The following TMEM91 variants were observed in gnomAD, a reference collection of about 807,000 sequenced individuals.
The protein encoded by TMEM91 is transmembrane protein 91.
A neutral mutation model predicts 13.3 loss-of-function variants in TMEM91; 6 were observed. That is an observed-to-expected ratio of 0.45 (90% CI 0.25 to 0.89). The LOEUF (loss-of-function observed/expected upper bound fraction) is 0.89, where lower values mean the gene tolerates loss of function less well. Ranked by LOEUF, TMEM91 falls within the 40% of genes least tolerant of loss-of-function variation. TMEM91 has a pLI of 0.19. For synonymous variants in TMEM91, 87 were observed against 101.7 expected (o/e 0.86, Z 0.87); for missense variants, 193 against 228.7 (o/e 0.84, Z 1.01).
intron 1 of TMEM91, among the ~76,000 whole-genome samples, chr19:41,371,356 T>TCCTC (rs1303334790): frequency 2.0e-5 from 3 of 147,922 alleles, no homozygotes; most frequent in Non-Finnish European, 4.5e-5. Context: ...CTTCCTTCCT[T>TCCTC]CCTTCCTTCC....
At chr19:41,374,456 T>C (rs2038673379), upstream of TMEM91, 1 of 152,210 alleles carries the variant, frequency 6.6e-6, no homozygotes, top group Non-Finnish European at 1.5e-5. Context: ...TGGATAAATG[T>C]TGGATATCTG....
intron 2 of TMEM91, among the ~76,000 whole-genome samples, chr19:41,380,346 C>T (rs1433563678): frequency 2.0e-5 from 3 of 152,156 alleles, no homozygotes; most frequent in Non-Finnish European, 4.4e-5. Flanking sequence ...TTTCTGATTT[C>T]GCTTTGGAAG....
intron 1 of TMEM91, among the ~76,000 whole-genome samples, chr19:41,367,424 G>C (rs1275414931): frequency 6.6e-6 from 1 of 151,642 alleles, no homozygotes; most frequent in Admixed American, 6.6e-5. Flanking sequence ...CGAGGTCAGG[G>C]GTTCAAGACC....
At position 41,383,843 on chromosome 19, in the gene TMEM91, T is replaced by C. The variant is rs12602; in HGVS notation, c.489T>C (p.Ala163=). The change falls in exon 4 of 4, where the codon GCT becomes GCC. Residue 163 remains alanine, a synonymous_variant. Transcript: ENST00000392002. The part of the protein sequence containing the change: ...CTYAAALVTL[A]AYLASRDPP Reference sequence around the variant, plus strand: ...ATGCGGCTGCCCTGGTGACCCTGGCTGCCTACCTTGCCTCCCGAGACCCGC... The same window carrying C: ...ATGCGGCTGCCCTGGTGACCCTGGCCGCCTACCTTGCCTCCCGAGACCCGC... 990,611 of 1,606,854 alleles carry C rather than the reference T, an allele frequency of 0.62. 309,185 individuals are homozygous for C. The highest frequency in any genetic ancestry group is 0.84 in the African/African-American group (62,128 of 74,398).
At chr19:41,383,102 G>A in intron 3 of TMEM91, 181 bp downstream of exon 3, 1 of 791,506 alleles carries the variant, frequency 1.3e-6, no homozygotes. Context: ...CGCCCAGGCT[G>A]GAGTGCAGTG....
upstream of TMEM91, among the ~76,000 whole-genome samples, chr19:41,375,946 A>G (rs1019206292): frequency 3.9e-5 from 6 of 151,956 alleles, no homozygotes; most frequent in African/African-American, 1.5e-4. Context: ...ACACAGCGAA[A>G]TCTCATCTAC....
At chr19:41,371,885 C>T (rs2038630505), upstream of TMEM91, among the ~76,000 whole-genome samples, 1 of 151,954 alleles carries the variant, frequency 6.6e-6, no homozygotes, top group African/African-American at 2.4e-5. Context: ...CCTGACCCCC[C>T]TTTTTTTGAC....
upstream of TMEM91, among the ~76,000 whole-genome samples, chr19:41,375,031 C>A (rs1002170906): frequency 1.3e-5 from 2 of 152,038 alleles, no homozygotes; most frequent in Admixed American, 6.6e-5. Flanking sequence ...CTATGTGGGT[C>A]CAAATGCTGA....
At chr19:41,366,996 A>G (rs557680774) in intron 1 of TMEM91, among the ~76,000 whole-genome samples, 1 of 151,662 alleles carries the variant, frequency 6.6e-6, no homozygotes, top group Non-Finnish European at 1.5e-5. Context: ...CCAAAACTAG[A>G]TGGGTGTGGT....
chr19:41,371,214 C>T (rs989315160), intron 1 of TMEM91, among the ~76,000 whole-genome samples: 1 of 145,360 alleles, frequency 6.9e-6, no homozygotes, highest in African/African-American at 2.6e-5. Flanking sequence ...GTTGGCCAGG[C>T]TGATTTCGAA....
rs372495379 is a variant in TMEM91, at chr19:41,378,555, G to T, written c.210+36G>T. 677 of 1,609,836 alleles carry T rather than the reference G, an allele frequency of 4.2e-4. 2 individuals are homozygous for T. In the African/African-American group the frequency reaches 7.9e-3, roughly 19 times the overall value. The stretch of plus-strand genomic sequence containing the variant: ...GCAGGCCTTAGTGGAAGGCACGGGA[G>T]GGGGCTGGGGTGAGCCCCACTAAGG... On this transcript the variant is annotated intron_variant, in intron 2 of 3. Coordinates refer to ENST00000392002, the MANE Select transcript of TMEM91 (RefSeq NM_001098821.2).
At chr19:41,369,358 G>T (rs2038577153) in intron 1 of TMEM91, among the ~76,000 whole-genome samples, 1 of 151,984 alleles carries the variant, frequency 6.6e-6, no homozygotes, top group Non-Finnish European at 1.5e-5. Context: ...GTAGAGATGG[G>T]GTTTTGCCAT....
upstream of TMEM91, among the ~76,000 whole-genome samples, chr19:41,375,480 G>C (rs1329761707): frequency 6.6e-6 from 1 of 150,750 alleles, no homozygotes; most frequent in Non-Finnish European, 1.5e-5. Context: ...GGGTTTCACC[G>C]TGTCAGCCAG....
Position 41,378,413 on chromosome 19 carries a change from T to A in TMEM91, c.104T>A (p.Leu35Ter), listed in dbSNP as rs2038780799. Residue 35 changes from leucine to a stop codon, truncating the protein, a stop_gained, in exon 2 of 4, where the codon TTA (leucine) becomes TAA (stop). Coordinates refer to ENST00000392002, the MANE Select transcript of TMEM91 (RefSeq NM_001098821.2). LOFTEE classifies it high-confidence loss of function. ...GGCAGGCATGAGCTGGGGTCCCCCT[T>A]AAGAGAGATAGCCTTTGCCGAGTCC... is the stretch of plus-strand genomic sequence containing the variant. ...KPGRHELGSP[L>*]REIAFAESLR... is the part of the protein sequence containing the mutation. 1 of 1,614,126 alleles carries A rather than the reference T, an allele frequency of 6.2e-7. No individual in the cohort carries two copies. Among genetic ancestry groups the A allele is most frequent in the African/African-American group, 1.3e-5 (1 of 75,028 alleles).
chr19:41,372,973 T>G (rs1029636620), upstream of TMEM91, among the ~76,000 whole-genome samples: 1 of 150,934 alleles, frequency 6.6e-6, no homozygotes, highest in African/African-American at 2.4e-5. Context: ...GGGTTTCACT[T>G]TGTTGCCCAG....
chr19:41,379,002 T>G lies in TMEM91; in HGVS notation c.210+483T>G, dbSNP rs117514655. 3.1e-3 allele frequency among the ~76,000 whole-genome samples: 464 copies of G among 151,932 alleles called. 8 individuals are homozygous for G. The highest frequency in any genetic ancestry group is 0.013 in the East Asian group (65 of 5,158). On this transcript the variant is annotated intron_variant, in intron 2 of 3. Transcript: ENST00000392002. ...ATGTGCCACCATGCCTGGCTAATTT[T>G]TTGGTGTTTTTTGTAGAGAAGAGGT...
intron 1 of TMEM91, among the ~76,000 whole-genome samples, chr19:41,364,736 G>C (rs927465892): frequency 6.6e-6 from 1 of 152,114 alleles, no homozygotes; most frequent in Admixed American, 6.6e-5. Flanking sequence ...TTGGGGTAGC[G>C]AAGAGAAATG....
chr19:41,364,049 C>G (rs1269267163), upstream of TMEM91: 1 of 177,416 alleles, frequency 5.6e-6, no homozygotes, highest in African/African-American at 2.4e-5. Flanking sequence ...GGGCGCCGAC[C>G]AGGCCTGGCT....
chr19:41,373,592 G>T (rs752097946), upstream of TMEM91, among the ~76,000 whole-genome samples: 1 of 13,818 alleles, frequency 7.2e-5, no homozygotes, highest in Non-Finnish European at 1.6e-4. Flanking sequence ...AAAATACATG[G>T]TATGTTTAAG....
Sources: gnomAD v4.1 joint callset for allele counts (sites outside exome capture counted in the v4.1 genomes callset) on GRCh38, gnomAD v4.1.1 for gene constraint, MANE v1.5 for transcripts, NCBI Gene and HGNC (gene_info 2026-07-23, HGNC 2026-07-21) for gene names.